Variants in ARHGAP18 observed in about 807,000 individuals in gnomAD.
The protein encoded by ARHGAP18 is rho GTPase-activating protein 18.
ARHGAP18 carries 67 observed loss-of-function variants against 86.2 expected under a neutral mutation model. The observed-to-expected ratio is 0.78, with a 90% CI of 0.64 to 0.95. The LOEUF (loss-of-function observed/expected upper bound fraction) is 0.95. Among genes scored for constraint, ARHGAP18 ranks in the 40% least tolerant of loss-of-function variants. ARHGAP18 has a pLI of 0.00. For missense variants in ARHGAP18, 691 were observed against 780.4 expected (o/e 0.89, Z 1.37); for synonymous variants, 283 against 280.4 (o/e 1.01, Z -0.09).
At chr6:129,672,452 T>C (rs998885875) in intron 1 of ARHGAP18, among the ~76,000 whole-genome samples, 8 of 152,234 alleles carry the variant, frequency 5.3e-5, no homozygotes, top group Non-Finnish European at 2.9e-5. Context: ...TTACCCATTA[T>C]GTGTAACATG....
intron 8 of ARHGAP18, among the ~76,000 whole-genome samples, chr6:129,610,630 CTTTT>C (rs899825771): frequency 6.7e-6 from 1 of 149,438 alleles, no homozygotes; most frequent in African/African-American, 2.5e-5. Context: ...TGGCCTTTTT[CTTTT>C]TTTTTTCTTT....
Position 129,706,935 on chromosome 6 carries a change from A to G in ARHGAP18, c.113+3089T>C, listed in dbSNP as rs146284664. 5.0e-3 allele frequency among the ~76,000 whole-genome samples: 762 copies of G among 150,982 alleles called. 7 individuals carry two copies. The highest frequency in any genetic ancestry group is 0.018 in the African/African-American group (735 of 41,110). On this transcript the variant is annotated intron_variant, in intron 1 of 14. Coordinates refer to ENST00000368149, the MANE Select transcript of ARHGAP18 (RefSeq NM_033515.3). ...CTTGGTATGGCTAGGCTAAAAATCA[A>G]ACACTTTCAGGCTGGGCGCAGTGGC...
chr6:129,586,603 A>G (rs940527758), intron 12 of ARHGAP18, among the ~76,000 whole-genome samples: 1 of 152,280 alleles, frequency 6.6e-6, no homozygotes, highest in South Asian at 2.1e-4. Flanking sequence ...GCCCTAGAAG[A>G]AGGCAGCCAA....
At chr6:129,703,981 T>C (rs185935338) in intron 1 of ARHGAP18, among the ~76,000 whole-genome samples, 1 of 98,798 alleles carries the variant, frequency 1.0e-5, no homozygotes, top group East Asian at 2.7e-4. Flanking sequence ...CAAAAAAATA[T>C]ATATATATGA....
intron 1 of ARHGAP18, among the ~76,000 whole-genome samples, chr6:129,653,147 G>T (rs1383499519): frequency 6.6e-6 from 1 of 152,158 alleles, no homozygotes; most frequent in Non-Finnish European, 1.5e-5. Context: ...ATCTCAATGA[G>T]AGTAGGGGAG....
rs758269589 is a variant in ARHGAP18 at position 129,618,811 on chromosome 6, A to T, written c.828T>A (p.Ile276=). Residue 276 remains isoleucine (I), a synonymous_variant, in exon 6 of 15, where the codon ATT becomes ATA. Coordinates refer to ENST00000368149, the MANE Select transcript of ARHGAP18 (RefSeq NM_033515.3). ...TCATGTCCTGGGGTGCGAGGTCACC[A>T]ATCCTTGTGGTACCCGTTTTGTCTT... ...LPKDKTGTTR[I]GDLAPQDMKK... 38 of 1,613,198 alleles carry T rather than the reference A, an allele frequency of 2.4e-5. No homozygotes were observed. Among genetic ancestry groups the T allele is most frequent in the Non-Finnish European group, 2.7e-5 (32 of 1,179,868 alleles).
intron 1 of ARHGAP18, among the ~76,000 whole-genome samples, chr6:129,659,965 C>A (rs909833184): frequency 6.6e-6 from 1 of 151,774 alleles, no homozygotes; most frequent in Non-Finnish European, 1.5e-5. Flanking sequence ...CAAGCAAAGA[C>A]AGAGTAGCAA....
intron 9 of ARHGAP18, 123 bp from the exon 10 acceptor site, chr6:129,606,082 A>G: frequency 1.2e-6 from 1 of 831,988 alleles, no homozygotes; most frequent in East Asian, 2.9e-5. Context: ...GTAAGACACA[A>G]CGACTGAGCT....
rs1393616013 is a variant in ARHGAP18 at position 129,645,191 on chromosome 6, G to C, written c.114-3173C>G. ...GAACATTCCTTCAGTTTACATCAAT[G>C]AACATGTTGTGTTACTTCTTTTCTT... On this transcript the variant is annotated intron_variant, in intron 1 of 14. Transcript: ENST00000368149. Among the ~76,000 whole-genome samples the C allele has an allele frequency of 3.3e-5, 5 of 152,228 alleles. No homozygotes were observed. The East Asian group carries it at 9.6e-4, about 29-fold the overall frequency.
intron 1 of ARHGAP18, among the ~76,000 whole-genome samples, chr6:129,655,030 G>T (rs1423956468): frequency 6.6e-6 from 1 of 152,150 alleles, no homozygotes; most frequent in East Asian, 1.9e-4. Context: ...GAACGGAAAG[G>T]AGAGGCTCGG....
chr6:129,597,969 T>C (rs1284500283), intron 12 of ARHGAP18, among the ~76,000 whole-genome samples: 2 of 152,160 alleles, frequency 1.3e-5, no homozygotes, highest in African/African-American at 2.4e-5. Flanking sequence ...TTTCTAAATA[T>C]TATTTAAAAG....
chr6:129,626,940 C>G (rs1789488677), intron 5 of ARHGAP18, among the ~76,000 whole-genome samples: 1 of 151,970 alleles, frequency 6.6e-6, no homozygotes, highest in Admixed American at 6.6e-5. Context: ...ATGACCAGCT[C>G]AGAGAAATGA....
intron 11 of ARHGAP18, among the ~76,000 whole-genome samples, chr6:129,599,643 C>T (rs1788696435): frequency 6.6e-6 from 1 of 152,092 alleles, no homozygotes. Context: ...TTTTCTATGC[C>T]AGACTGGAGA....
intron 1 of ARHGAP18, among the ~76,000 whole-genome samples, chr6:129,696,219 T>C (rs1472557206): frequency 1.3e-5 from 2 of 152,146 alleles, no homozygotes; most frequent in Non-Finnish European, 2.9e-5. Context: ...TCCCTTAGAG[T>C]AAATATCACT....
chr6:129,579,326 C>G (rs9492346), intron 14 of ARHGAP18, among the ~76,000 whole-genome samples: 8,977 of 151,880 alleles, frequency 0.059, 658 homozygotes, highest in African/African-American at 0.18. Flanking sequence ...AAGAATAAAC[C>G]TTCACATTCC....
intron 1 of ARHGAP18, among the ~76,000 whole-genome samples, chr6:129,675,353 C>T (rs1774211255): frequency 6.8e-6 from 1 of 146,422 alleles, no homozygotes; most frequent in Admixed American, 6.9e-5. Flanking sequence ...CACTGCACTC[C>T]AGCCTGGGCA....
In ARHGAP18 at chr6:129,642,016, C is replaced by T. The variant is rs143012976; in HGVS notation, c.116G>A (p.Arg39His). ...AKAGEEATSS[R>H]RYGQYTMNQE... ...GTTCATAGTGTACTGGCCATATCTG[C>T]GACTGTAAATTCAAAAGAACCCATG... is the stretch of plus-strand genomic sequence containing the variant. The change falls in exon 2 of 15, where the codon CGC becomes CAC. Residue 39 changes from arginine (R) to histidine (H), a missense_variant and splice_region_variant. Arg to His is a conservative substitution (Grantham distance 29). Coordinates refer to ENST00000368149, the MANE Select transcript of ARHGAP18 (RefSeq NM_033515.3). 515 of 1,612,742 alleles carry T rather than the reference C, an allele frequency of 3.2e-4. 1 individual carries two copies. The highest frequency in any genetic ancestry group is 9.9e-4 in the Middle Eastern group (6 of 6,052).
intron 4 of ARHGAP18, among the ~76,000 whole-genome samples, chr6:129,631,956 GT>G (rs1773227594): frequency 6.6e-6 from 1 of 152,140 alleles, no homozygotes; most frequent in African/African-American, 2.4e-5. Flanking sequence ...AATTTGGAAT[GT>G]GACAACCCTT....
At chr6:129,613,187 C>G (rs557648214) in intron 7 of ARHGAP18, among the ~76,000 whole-genome samples, 2 of 147,000 alleles carry the variant, frequency 1.4e-5, no homozygotes, top group African/African-American at 2.5e-5. Context: ...GAGCCAAGAT[C>G]GCAACAGTGC....
Sources: gnomAD v4.1 joint callset for allele counts (sites outside exome capture counted in the v4.1 genomes callset) on GRCh38, gnomAD v4.1.1 for gene constraint, MANE v1.5 for transcripts, NCBI Gene and HGNC (gene_info 2026-07-23, HGNC 2026-07-21) for gene names.